PTPRN2: variants seen among roughly 807,000 people sequenced by gnomAD.
The protein encoded by PTPRN2 is receptor-type tyrosine-protein phosphatase N2.
Under a neutral mutation model 118.8 loss-of-function variants are expected in PTPRN2, and 74 were observed. That is an observed-to-expected ratio of 0.62 (90% CI 0.52 to 0.76). PTPRN2 has a LOEUF of 0.76. Ranked by LOEUF, PTPRN2 falls within the 30% of genes least tolerant of loss-of-function variation. The probability of loss-of-function intolerance (pLI) is 0.00; values close to 1 mark genes in which losing one functional copy is unlikely to be tolerated. For missense variants in PTPRN2, 1,481 were observed against 1,394.4 expected (o/e 1.06, Z -0.99); for synonymous variants, 641 against 608.0 (o/e 1.05, Z -0.80).
chr7:158,341,507 C>T (rs1334669786), intron 2 of PTPRN2, among the ~76,000 whole-genome samples: 3 of 125,478 alleles, frequency 2.4e-5, no homozygotes, highest in East Asian at 4.8e-4. Context: ...CACGTGCAGA[C>T]GTCACTCACA....
chr7:158,015,004 T>C lies in PTPRN2; in HGVS notation c.1723+66294A>G, dbSNP rs1255462354. Among the ~76,000 whole-genome samples, 1 of 152,246 alleles carries C rather than the reference T, an allele frequency of 6.6e-6. No homozygotes were observed. The highest frequency in any genetic ancestry group is 2.4e-5 in the African/African-American group (1 of 41,470). ...TAATTTTTAAGAGAATAAGAACTTC[T>C]CCTGAATATCATCTTTTCCCTTTTT... On this transcript the variant is annotated intron_variant, in intron 11 of 22. Transcript: ENST00000389418. The surrounding 1 kb of genome is among the most constrained non-coding windows in gnomAD (Gnocchi z 4.2).
intron 2 of PTPRN2, among the ~76,000 whole-genome samples, chr7:158,323,453 C>A (rs1563138012): frequency 6.6e-6 from 1 of 152,170 alleles, no homozygotes; most frequent in Non-Finnish European, 1.5e-5. Flanking sequence ...AGAAGGAATG[C>A]CCAGGATGCA....
chr7:158,108,268 T>G (rs1447517423), intron 10 of PTPRN2, among the ~76,000 whole-genome samples: 2 of 151,982 alleles, frequency 1.3e-5, no homozygotes, highest in African/African-American at 2.4e-5. Flanking sequence ...CCCCCTCACC[T>G]GGATCTCTGT....
chr7:157,561,739 T>C (rs1799201785), intron 21 of PTPRN2, among the ~76,000 whole-genome samples: 3 of 152,204 alleles, frequency 2.0e-5, no homozygotes, highest in Admixed American at 2.0e-4. Context: ...GAAGCTGCCA[T>C]CTCTGCATCT....
intron 11 of PTPRN2, among the ~76,000 whole-genome samples, chr7:157,965,349 G>C (rs1275811117): frequency 6.6e-6 from 1 of 152,144 alleles, no homozygotes; most frequent in Non-Finnish European, 1.5e-5. Context: ...CACATAAAGA[G>C]ACGGTGCCCC....
intron 2 of PTPRN2, among the ~76,000 whole-genome samples, chr7:158,448,576 C>A (rs1413251111): frequency 1.3e-5 from 2 of 152,186 alleles, no homozygotes; most frequent in African/African-American, 4.8e-5. Flanking sequence ...CAGGGGAGCC[C>A]CTCAGCGGGA....
chr7:157,633,994 C>T (rs765552602), intron 14 of PTPRN2, among the ~76,000 whole-genome samples: 10 of 152,120 alleles, frequency 6.6e-5, no homozygotes, highest in African/African-American at 1.7e-4. Context: ...GAAGAGCAGG[C>T]AGTGGCTGTG....
chr7:158,069,127 CAAG>C (rs749306066), intron 11 of PTPRN2, among the ~76,000 whole-genome samples: 4 of 152,184 alleles, frequency 2.6e-5, no homozygotes, highest in Admixed American at 2.0e-4. Context: ...AGCAGCACTG[CAAG>C]AAGATGTCTT....
chr7:158,053,780 CAG>C (rs1343853891), intron 11 of PTPRN2, among the ~76,000 whole-genome samples: 5 of 149,980 alleles, frequency 3.3e-5, no homozygotes, highest in East Asian at 3.9e-4. Flanking sequence ...CCCAGAAATG[CAG>C]AGACTCCAGA....
At chr7:157,804,491 A>G (rs1186647029) in intron 12 of PTPRN2, among the ~76,000 whole-genome samples, 1 of 152,066 alleles carries the variant, frequency 6.6e-6, no homozygotes, top group Non-Finnish European at 1.5e-5. Flanking sequence ...GAGAATGCCA[A>G]GGTCCCAGCC....
chr7:157,838,292 C>T (rs112598214), intron 12 of PTPRN2, among the ~76,000 whole-genome samples: 59 of 146,104 alleles, frequency 4.0e-4, no homozygotes, highest in African/African-American at 1.3e-3. Flanking sequence ...CAGTTCCTCT[C>T]GTAGTGGATG....
chr7:158,469,764 T>C (rs1205747517), intron 2 of PTPRN2, among the ~76,000 whole-genome samples: 2 of 145,240 alleles, frequency 1.4e-5, no homozygotes, highest in Non-Finnish European at 3.0e-5. Flanking sequence ...ATGCAAAGAA[T>C]TGGGAGCTGG....
At chr7:158,511,835 G>C (rs538812253) in intron 1 of PTPRN2, among the ~76,000 whole-genome samples, 14 of 152,288 alleles carry the variant, frequency 9.2e-5, no homozygotes, top group African/African-American at 3.1e-4. Flanking sequence ...TGAAAATCCT[G>C]GAAAAGGCAA....
chr7:158,042,428 G>A (rs34936337), intron 11 of PTPRN2, among the ~76,000 whole-genome samples: 2,176 of 152,292 alleles, frequency 0.014, 64 homozygotes, highest in African/African-American at 0.049. Flanking sequence ...TAGGATCCAC[G>A]TCACTCTCTG....
intron 3 of PTPRN2, among the ~76,000 whole-genome samples, chr7:158,270,852 G>T (rs182417156): frequency 6.2e-4 from 5 of 8,064 alleles, no homozygotes; most frequent in East Asian, 4.3e-3. Flanking sequence ...CACCTGGACC[G>T]CCCCCCCACC....
At chr7:157,765,970 A>G (rs1802450729) in intron 12 of PTPRN2, among the ~76,000 whole-genome samples, 1 of 132,576 alleles carries the variant, frequency 7.5e-6, no homozygotes, top group Non-Finnish European at 1.6e-5. Flanking sequence ...TCCTTCTTTC[A>G]TCCACCCACA....
Position 157,874,022 on chromosome 7 carries a change from G to A in PTPRN2, c.1788+24651C>T, listed in dbSNP as rs1160577919. Reference sequence around the variant, plus strand: ...CTGAGCAGCCTCGGGAAGAGCTCTCGGGACCTCGGGGGAGTGAGGTGGCCC... The same window carrying A: ...CTGAGCAGCCTCGGGAAGAGCTCTCAGGACCTCGGGGGAGTGAGGTGGCCC... On this transcript the variant is annotated intron_variant, in intron 12 of 22. Transcript: ENST00000389418. This position sits in a 1 kb window ranked among gnomAD's most constrained non-coding sequence, Gnocchi z 5.8. Among the ~76,000 whole-genome samples, 4 of 152,314 alleles carry A rather than the reference G, an allele frequency of 2.6e-5. No homozygotes were observed. The highest frequency in any genetic ancestry group is 1.3e-4 in the Admixed American group (2 of 15,306).
At chr7:158,356,949 C>G (rs997562936) in intron 2 of PTPRN2, among the ~76,000 whole-genome samples, 1 of 152,178 alleles carries the variant, frequency 6.6e-6, no homozygotes, top group Admixed American at 6.5e-5. Context: ...GGCCCCAGCA[C>G]AGGGTCAGGT....
rs1405820843 is a variant in PTPRN2, at chr7:157,711,638, G to A, written c.1789-28701C>T. ...GCTCTCCTCTTTGTCTTCTGGCCTT[G>A]CAGGCAGCTGTCTAATGCAGGGCCT... On this transcript the variant is annotated intron_variant, in intron 12 of 22. Coordinates refer to ENST00000389418, the MANE Select transcript of PTPRN2 (RefSeq NM_002847.5). Among the ~76,000 whole-genome samples, 3 of 152,256 alleles carry A rather than the reference G, an allele frequency of 2.0e-5. No homozygotes were observed. In the East Asian group the frequency reaches 5.8e-4, roughly 30 times the overall value.
Sources: gnomAD v4.1 joint callset for allele counts (sites outside exome capture counted in the v4.1 genomes callset) on GRCh38, gnomAD v4.1.1 for gene constraint, Gnocchi (gnomAD v3.1) non-coding constraint, MANE v1.5 for transcripts, NCBI Gene and HGNC (gene_info 2026-07-23, HGNC 2026-07-21) for gene names.